GOLGB1: variants seen among roughly 807,000 people sequenced by gnomAD.
The protein encoded by GOLGB1 is golgin B1, also known as golgin subfamily B member 1.
In GOLGB1, 174 loss-of-function variants were observed where a neutral mutation model predicts 336.9. That is an observed-to-expected ratio of 0.52 (90% CI 0.46 to 0.59). GOLGB1 has a LOEUF of 0.59. Among genes scored for constraint, GOLGB1 ranks in the 20% least tolerant of loss-of-function variants. The pLI is 0.00. For missense variants in GOLGB1, 3,331 were observed against 3,645.3 expected (o/e 0.91, Z 2.22); for synonymous variants, 1,208 against 1,289.2 (o/e 0.94, Z 1.35).
intron 12 of GOLGB1, 51 bp downstream of exon 12, chr3:121,699,761 C>T (rs1180157756): frequency 9.4e-7 from 1 of 1,060,820 alleles, no homozygotes; most frequent in Non-Finnish European, 1.4e-6. Flanking sequence ...ATGAAGCTAC[C>T]TTCTCTTAAT....
Position 121,716,787 on chromosome 3 carries a change from T to C in GOLGB1, c.1238A>G (p.Asp413Gly), listed in dbSNP as rs763093401. The C allele has an allele frequency of 8.1e-6, 13 of 1,613,784 alleles. No homozygotes were observed. The highest frequency in any genetic ancestry group is 1.1e-5 in the Non-Finnish European group (13 of 1,179,686). ...TGACTGAACTGCTTGCTCATTCTTA[T>C]CTTGGAGAAGCTTTGAATTTTGATC... ...LKDQNSKLLQ[D>G]KNEQAVQSAQ... The change falls in exon 9 of 22, where the codon GAT (aspartate) becomes GGT (glycine). Residue 413 changes from aspartate (D) to glycine (G), a missense_variant. Physicochemically the swap from Asp to Gly is moderately conservative, Grantham distance 94. Coordinates refer to ENST00000614479, the MANE Select transcript of GOLGB1 (RefSeq NM_001366282.2).
Position 121,693,113 on chromosome 3 carries a change from GAAGAA to G in GOLGB1, c.6783-537_6783-533del, listed in dbSNP as rs150756760. Among the ~76,000 whole-genome samples, 374 of 152,304 alleles carry G rather than the reference GAAGAA, an allele frequency of 2.5e-3. 3 individuals are homozygous for G. Among genetic ancestry groups the G allele is most frequent in the African/African-American group, 8.7e-3 (362 of 41,576 alleles). On this transcript the variant is annotated intron_variant, in intron 13 of 21. Transcript: ENST00000614479. Reference sequence around the variant, plus strand: ...TATGAATTAATGTGGACTAAAGGAAGAAGAAAAGACGAGACTAGACAATTAATTTG... The same window carrying G: ...TATGAATTAATGTGGACTAAAGGAAGAAGACGAGACTAGACAATTAATTTG...
intron 20 of GOLGB1, among the ~76,000 whole-genome samples, chr3:121,665,886 C>T (rs1224582575): frequency 6.6e-6 from 1 of 152,186 alleles, no homozygotes; most frequent in Non-Finnish European, 1.5e-5. Flanking sequence ...GAAGAAACAC[C>T]TTAATCCAAT....
intron 17 of GOLGB1, among the ~76,000 whole-genome samples, chr3:121,676,379 T>C (rs1348766994): frequency 6.6e-6 from 1 of 152,230 alleles, no homozygotes; most frequent in East Asian, 1.9e-4. Flanking sequence ...CACACACTAT[T>C]GTGCATACAA....
At chr3:121,744,756 GAT>G (rs2108431494) in intron 1 of GOLGB1, among the ~76,000 whole-genome samples, 1 of 152,054 alleles carries the variant, frequency 6.6e-6, no homozygotes, top group South Asian at 2.1e-4. Context: ...ATTTAAATGA[GAT>G]AAAAATCTGA....
At chr3:121,747,853 C>T (rs940939860) in intron 1 of GOLGB1, among the ~76,000 whole-genome samples, 11 of 151,976 alleles carry the variant, frequency 7.2e-5, no homozygotes, top group African/African-American at 2.4e-4. Flanking sequence ...TTATCAAAAG[C>T]ATATAGCTGA....
chr3:121,749,419 C>A (rs1947604813), intron 1 of GOLGB1, among the ~76,000 whole-genome samples: 1 of 152,140 alleles, frequency 6.6e-6, no homozygotes, highest in African/African-American at 2.4e-5. Flanking sequence ...ACCCCGAAGG[C>A]CCACCGGAGA....
chr3:121,681,267 T>C (rs1295048024), intron 15 of GOLGB1, among the ~76,000 whole-genome samples: 1 of 152,064 alleles, frequency 6.6e-6, no homozygotes, highest in East Asian at 1.9e-4. Flanking sequence ...ATTCTCAAAA[T>C]GACAAAATTG....
Position 121,697,385 on chromosome 3 carries a change from T to C in GOLGB1, c.3138A>G (p.Lys1046=). ...ETERGEVEED[K]ENKEYSEKCV... is the part of the protein sequence containing the mutation. Reference sequence around the variant, plus strand: ...ATTTTTCTGAGTATTCTTTGTTTTCTTTATCTTCTTCCACTTCTCCCCTCT... The same window carrying C: ...ATTTTTCTGAGTATTCTTTGTTTTCCTTATCTTCTTCCACTTCTCCCCTCT... Residue 1046 remains lysine, a synonymous_variant, in exon 13 of 22, where the codon AAA becomes AAG. Coordinates refer to ENST00000614479, the MANE Select transcript of GOLGB1 (RefSeq NM_001366282.2). 6.2e-7 allele frequency: 1 copy of C among 1,613,628 alleles called. No homozygotes were observed. Among genetic ancestry groups the C allele is most frequent in the African/African-American group, 1.3e-5 (1 of 75,032 alleles).
intron 1 of GOLGB1, 85 bp from the exon 2 acceptor site, chr3:121,731,058 G>A: frequency 1.5e-6 from 2 of 1,347,520 alleles, no homozygotes; most frequent in Non-Finnish European, 2.0e-6. Flanking sequence ...TATCATCCGT[G>A]AATGAAAAAA....
At chr3:121,714,260 T>C (rs1944583560) in intron 10 of GOLGB1, among the ~76,000 whole-genome samples, 1 of 152,190 alleles carries the variant, frequency 6.6e-6, no homozygotes. Context: ...TTGACATTAG[T>C]CAATTAAGAA....
rs1939143898 is a variant in GOLGB1, at chr3:121,669,230, C to G, written c.9303G>C (p.Gln3101His). The G allele has an allele frequency of 1.9e-6, 3 of 1,613,924 alleles. No individual in the cohort carries two copies. The highest frequency in any genetic ancestry group is 2.2e-5 in the East Asian group (1 of 44,888). Reference sequence around the variant, plus strand: ...TACTCACCGCCTGCAGCTCTTGAACCTGCTTCTCCAAGACTGCACAGTGAT... The same window carrying G: ...TACTCACCGCCTGCAGCTCTTGAACGTGCTTCTCCAAGACTGCACAGTGAT... ...LLNHCAVLEK[Q>H]VQELQAGPLN... The change falls in exon 18 of 22, where the codon CAG (glutamine) becomes CAC (histidine). Residue 3101 changes from glutamine (Q) to histidine (H), a missense_variant. Transcript: ENST00000614479.
In GOLGB1 at chr3:121,691,466, C is replaced by T; in HGVS notation, c.7898G>A (p.Gly2633Glu). ...TACTTTTAACTGGGCATGATAGAGT[C>T]CTAAAGTACCTTCTTCTTGCAAGGC... ...VTALQEEGTLGLYHAQLKVKE... is the reference protein window; with the variant it reads ...VTALQEEGTLELYHAQLKVKE... Residue 2633 changes from glycine (G) to glutamate (E), a missense_variant, in exon 14 of 22, where the codon GGA (glycine) becomes GAA (glutamate). Physicochemically the swap from Gly to Glu is moderately conservative, Grantham distance 98 (BLOSUM62 -2). Transcript: ENST00000614479. The T allele has an allele frequency of 6.2e-7, 1 of 1,613,570 alleles. No homozygotes were observed. Among genetic ancestry groups the T allele is most frequent in the Non-Finnish European group, 8.5e-7 (1 of 1,179,934 alleles).
rs7640042 is a variant in GOLGB1, at chr3:121,722,631, A to G, written c.532-253T>C. ...ACAGCACAAGATAGTAAAACCAAAA[A>G]AACCACAGATAACATTTACAGTTAA... On this transcript the variant is annotated intron_variant, in intron 5 of 21. Transcript: ENST00000614479. Among the ~76,000 whole-genome samples the G allele has an allele frequency of 3.1e-3, 466 of 152,326 alleles. 2 individuals carry two copies. The highest frequency in any genetic ancestry group is 0.01 in the African/African-American group (434 of 41,576).
rs1284184600 is a variant in GOLGB1, at chr3:121,669,353, G to T, written c.9180C>A (p.Phe3060Leu). The T allele has an allele frequency of 6.2e-7, 1 of 1,613,448 alleles. No individual in the cohort carries two copies. The highest frequency in any genetic ancestry group is 8.5e-7 in the Non-Finnish European group (1 of 1,179,372). The change falls in exon 18 of 22, where the codon TTC becomes TTA. Residue 3060 changes from phenylalanine (F) to leucine (L), a missense_variant and splice_region_variant. By Grantham distance (22) the Phe-to-Leu change is conservative. Coordinates refer to ENST00000614479, the MANE Select transcript of GOLGB1 (RefSeq NM_001366282.2). Reference protein sequence around the residue: ...ELRIQQLNSNFSQLLEEKNTL... With the variant: ...ELRIQQLNSNLSQLLEEKNTL... ...TGTTTTTCTCTTCCAGTAGCTGAGA[G>T]AACTGAAACAGAGGCGAGGATAAGC...
rs192733496 is a variant in GOLGB1, at chr3:121,691,950, A to C, written c.7414T>G (p.Ser2472Ala). Residue 2472 changes from serine (S) to alanine (A), a missense_variant, in exon 14 of 22, where the codon TCT (serine) becomes GCT (alanine). Physicochemically the swap from Ser to Ala is moderately conservative, Grantham distance 99 (BLOSUM62 1). Coordinates refer to ENST00000614479, the MANE Select transcript of GOLGB1 (RefSeq NM_001366282.2). The stretch of plus-strand genomic sequence containing the variant: ...CGGTCTCGATCATTTTGGAGAGAAG[A>C]CATGGATTTAACAAAGGAATCCAAC... The part of the protein sequence containing the change: ...AQLDSFVKSM[S>A]SLQNDRDRIV... 34 of 1,614,176 alleles carry C rather than the reference A, an allele frequency of 2.1e-5. No homozygotes were observed. In the Admixed American group the frequency reaches 5.7e-4, roughly 27 times the overall value.
intron 10 of GOLGB1, 89 bp from the exon 11 acceptor site, chr3:121,702,684 TAGA>T: frequency 2.0e-6 from 1 of 490,454 alleles, no homozygotes; most frequent in Non-Finnish European, 3.6e-6. Flanking sequence ...TTTTGTCTTC[TAGA>T]AGTTCTCCAG....
intron 10 of GOLGB1, among the ~76,000 whole-genome samples, chr3:121,705,463 G>C (rs1164073702): frequency 1.3e-5 from 2 of 152,160 alleles, no homozygotes; most frequent in Non-Finnish European, 2.9e-5. Flanking sequence ...TTATCTCTGA[G>C]AGAGGCAGAA....
chr3:121,749,551 G>C (rs979381792), intron 1 of GOLGB1, 81 bp downstream of exon 1: 2 of 152,438 alleles, frequency 1.3e-5, no homozygotes, highest in Non-Finnish European at 2.9e-5. Context: ...TAGCTGCTTG[G>C]GCAGCTCCCG....
Sources: gnomAD v4.1 joint callset for allele counts (sites outside exome capture counted in the v4.1 genomes callset) on GRCh38, gnomAD v4.1.1 for gene constraint, MANE v1.5 for transcripts, NCBI Gene and HGNC (gene_info 2026-07-23, HGNC 2026-07-21) for gene names.